Variants in RGS17 observed in about 807,000 individuals in gnomAD.
RGS17 encodes regulator of G protein signaling 17, also known as regulator of G-protein signaling 17.
A neutral mutation model predicts 25.5 loss-of-function variants in RGS17; 12 were observed. The observed-to-expected ratio is 0.47, with a 90% CI of 0.30 to 0.76. The LOEUF (loss-of-function observed/expected upper bound fraction) is 0.76. Ranked by LOEUF, RGS17 falls within the 30% of genes least tolerant of loss-of-function variation. The pLI is 0.07. For synonymous variants in RGS17, 71 were observed against 76.9 expected (o/e 0.92, Z 0.40); for missense variants, 196 against 242.2 (o/e 0.81, Z 1.27).
intron 1 of RGS17, among the ~76,000 whole-genome samples, chr6:153,095,025 T>C (rs956499170): frequency 6.6e-6 from 1 of 152,144 alleles, no homozygotes. Context: ...TGATGCATAA[T>C]CTCAGATATA....
intron 2 of RGS17, among the ~76,000 whole-genome samples, 167 bp downstream of exon 2, chr6:153,043,733 G>A (rs1776350808): frequency 6.6e-6 from 1 of 152,046 alleles, no homozygotes; most frequent in South Asian, 2.1e-4. Context: ...TTTTGTTTGT[G>A]AAAGTATTTG....
chr6:153,101,420 C>A (rs1446987606), intron 1 of RGS17, among the ~76,000 whole-genome samples: 1 of 152,134 alleles, frequency 6.6e-6, no homozygotes, highest in Non-Finnish European at 1.5e-5. Context: ...ACCAATCCGC[C>A]ATGGAGGCCA....
intron 4 of RGS17, among the ~76,000 whole-genome samples, chr6:153,015,521 C>A (rs960193254): frequency 6.6e-6 from 1 of 152,152 alleles, no homozygotes; most frequent in African/African-American, 2.4e-5. Flanking sequence ...TTATGACTTT[C>A]TAAAAGCTCA....
intron 1 of RGS17, among the ~76,000 whole-genome samples, chr6:153,116,803 T>A (rs961891393): frequency 6.6e-6 from 1 of 152,072 alleles, no homozygotes; most frequent in African/African-American, 2.4e-5. Context: ...AAACCATCAT[T>A]CTCAGCAAAC....
chr6:153,070,233 G>C (rs1046804431), intron 1 of RGS17, among the ~76,000 whole-genome samples: 3 of 151,632 alleles, frequency 2.0e-5, no homozygotes, highest in Admixed American at 2.0e-4. Flanking sequence ...CTTTTTTGGT[G>C]GGGGTGTGGG....
At chr6:153,065,867 C>G (rs549017963) in intron 1 of RGS17, among the ~76,000 whole-genome samples, 16 of 151,666 alleles carry the variant, frequency 1.1e-4, no homozygotes, top group Non-Finnish European at 2.2e-4. Context: ...GATGCATCTT[C>G]AAGAACTAGA....
intron 1 of RGS17, among the ~76,000 whole-genome samples, chr6:153,098,642 A>G (rs1777252690): frequency 6.7e-6 from 1 of 149,174 alleles, no homozygotes; most frequent in African/African-American, 2.6e-5. Context: ...GGCAATTGAG[A>G]GGAACCACAA....
Position 153,054,023 on chromosome 6 carries a change from TA to T in RGS17, c.-25-9981del, listed in dbSNP as rs1437457028. Among the ~76,000 whole-genome samples the T allele has an allele frequency of 1.2e-4, 6 of 51,648 alleles. 2 individuals carry two copies. The highest frequency in any genetic ancestry group is 2.2e-4 in the Non-Finnish European group (6 of 27,848). The allele number at this position is 51,648 out of a possible 152,430, so 33.9% of individuals were successfully genotyped here. ...ATACATATATACGTATATATGTATA[TA>T]ATATATATACATATATATGTATATA... On this transcript the variant is annotated intron_variant, in intron 1 of 4. Transcript: ENST00000206262.
chr6:153,091,741 G>C (rs2129121761), intron 1 of RGS17, among the ~76,000 whole-genome samples: 1 of 152,216 alleles, frequency 6.6e-6, no homozygotes, highest in Non-Finnish European at 1.5e-5. Context: ...TCGGACTCTT[G>C]ACCTCAAGTG....
chr6:153,017,606 T>C (rs930939081), intron 4 of RGS17, among the ~76,000 whole-genome samples: 1 of 152,192 alleles, frequency 6.6e-6, no homozygotes, highest in African/African-American at 2.4e-5. Flanking sequence ...AAGGGAAAAT[T>C]TGATCCTATG....
intron 1 of RGS17, among the ~76,000 whole-genome samples, chr6:153,102,765 A>C (rs1777324171): frequency 6.6e-6 from 1 of 152,218 alleles, no homozygotes; most frequent in African/African-American, 2.4e-5. Flanking sequence ...AATAAGGGTT[A>C]GGCCCAAAGC....
intron 1 of RGS17, among the ~76,000 whole-genome samples, chr6:153,079,206 T>A (rs1466186972): frequency 6.6e-6 from 1 of 152,062 alleles, no homozygotes; most frequent in Non-Finnish European, 1.5e-5. Flanking sequence ...GCCTCCTGAG[T>A]AGCTGGGACT....
chr6:153,119,642 G>A (rs1466019106), intron 1 of RGS17, among the ~76,000 whole-genome samples: 2 of 152,068 alleles, frequency 1.3e-5, no homozygotes, highest in African/African-American at 4.8e-5. Context: ...GCAGTGAGCC[G>A]AGATCACGCC....
intron 1 of RGS17, among the ~76,000 whole-genome samples, chr6:153,069,645 T>C (rs1251682961): frequency 1.3e-5 from 2 of 152,078 alleles, no homozygotes; most frequent in Non-Finnish European, 2.9e-5. Flanking sequence ...AAAGGATAAA[T>C]GCTTGAGAGG....
intron 2 of RGS17, among the ~76,000 whole-genome samples, chr6:153,029,129 G>C (rs1025878938): frequency 3.3e-5 from 5 of 152,128 alleles, no homozygotes; most frequent in Non-Finnish European, 7.3e-5. Flanking sequence ...ACACACATTT[G>C]GACTAAAACT....
chr6:153,024,663 C>A (rs771193167), intron 3 of RGS17, among the ~76,000 whole-genome samples, 167 bp from the exon 4 acceptor site: 1 of 152,148 alleles, frequency 6.6e-6, no homozygotes, highest in Non-Finnish European at 1.5e-5. Context: ...TCTGTCAGGA[C>A]TACGTCAGTT....
chr6:153,075,689 G>A (rs559796401), intron 1 of RGS17, among the ~76,000 whole-genome samples: 1 of 152,124 alleles, frequency 6.6e-6, no homozygotes, highest in Admixed American at 6.6e-5. Flanking sequence ...TCTATAAAAT[G>A]GAGAACTGTG....
intron 1 of RGS17, among the ~76,000 whole-genome samples, chr6:153,118,966 CCTAT>C: frequency 6.6e-6 from 1 of 152,186 alleles, no homozygotes; most frequent in South Asian, 2.1e-4. Flanking sequence ...ACATTTTTAT[CCTAT>C]CTTATGTATG....
rs1779107813 is a variant in RGS17, at chr6:153,009,313, T to G, written c.*2261A>C. ...TCACAGTATATTACATATTTTCTAG[T>G]CATGTGCACCAATTTGTTGAGCCTC... On this transcript the variant is annotated 3_prime_UTR_variant, in exon 5 of 5. Coordinates refer to ENST00000206262, the MANE Select transcript of RGS17 (RefSeq NM_012419.5). 1.3e-5 allele frequency: 2 copies of G among 152,090 alleles called. No individual in the cohort carries two copies. Among genetic ancestry groups the G allele is most frequent in the Non-Finnish European group, 2.9e-5 (2 of 67,938 alleles). 9.4% of individuals were successfully genotyped at this position (152,090 alleles called of 1,614,324 possible).
Sources: gnomAD v4.1 joint callset for allele counts (sites outside exome capture counted in the v4.1 genomes callset) on GRCh38, gnomAD v4.1.1 for gene constraint, MANE v1.5 for transcripts, NCBI Gene and HGNC (gene_info 2026-07-23, HGNC 2026-07-21) for gene names.